The following CAMTA1 variants were observed in gnomAD, a reference collection of about 807,000 sequenced individuals.
CAMTA1 encodes calmodulin binding transcription activator 1, also known as calmodulin-binding transcription activator 1.
A neutral mutation model predicts 170.9 loss-of-function variants in CAMTA1; 27 were observed. That is an observed-to-expected ratio of 0.16 (90% confidence interval 0.12 to 0.22). The LOEUF (loss-of-function observed/expected upper bound fraction) is 0.22. Ranked by LOEUF, CAMTA1 falls within the 10% of genes least tolerant of loss-of-function variation. CAMTA1 has a pLI of 1.00. For synonymous variants in CAMTA1, 833 were observed against 891.5 expected, an observed-to-expected ratio of 0.93 and a Z score of 1.17; for missense variants, 1,619 against 2,217.2, an observed-to-expected ratio of 0.73 and a Z score of 5.42.
chr1:6,996,899 CTA>C (rs1311353382), intron 3 of CAMTA1, among the ~76,000 whole-genome samples: 1 of 152,174 alleles, frequency 6.6e-6, no homozygotes, highest in African/African-American at 2.4e-5. Flanking sequence ...AAGTGGAATT[CTA>C]TGTCTCATGA....
intron 5 of CAMTA1, among the ~76,000 whole-genome samples, chr1:7,417,669 G>A (rs2859317): frequency 0.28 from 42,618 of 152,014 alleles, 6,656 homozygotes; most frequent in Non-Finnish European, 0.34. Flanking sequence ...TCCAGGTGCC[G>A]TCTGTCACCC....
rs1305597595 is a variant in CAMTA1, at chr1:7,609,470, G to C, written c.511-30930G>C. Among the ~76,000 whole-genome samples the C allele has an allele frequency of 2.0e-5, 3 of 152,184 alleles. No homozygotes were observed. The highest frequency in any genetic ancestry group is 2.1e-4 in the South Asian group (1 of 4,832). On this transcript the variant is annotated intron_variant, in intron 6 of 22. Coordinates refer to ENST00000303635, the MANE Select transcript of CAMTA1 (RefSeq NM_015215.4). The surrounding 1 kb of genome is among the most constrained non-coding windows in gnomAD (Gnocchi z 4.4). The stretch of plus-strand genomic sequence containing the variant: ...GCCCCTCAGTGAGGGCAGCAGAGCA[G>C]CAGCCAGAAGGCAAGCCCTGGCCCC...
In CAMTA1 at chr1:6,953,354, A is replaced by G. The variant is rs918988090; in HGVS notation, c.234+128144A>G. Among the ~76,000 whole-genome samples, 3 of 152,238 alleles carry G rather than the reference A, an allele frequency of 2.0e-5. No homozygotes were observed. The East Asian group carries it at 5.8e-4, about 29-fold the overall frequency. ...AAGGACTTGGAGGGGCCAGGGTCCA[A>G]CCCCGGGAACGTGGCCAAGATCTCA... On this transcript the variant is annotated intron_variant, in intron 3 of 22. Coordinates refer to ENST00000303635, the MANE Select transcript of CAMTA1 (RefSeq NM_015215.4).
At chr1:7,755,714 C>T (rs1418545002) in intron 22 of CAMTA1, 46 bp downstream of exon 22, 1 of 1,587,242 alleles carries the variant, frequency 6.3e-7, no homozygotes, top group South Asian at 1.1e-5. Flanking sequence ...CTTCCATTTT[C>T]AGTATTTTGC....
chr1:7,199,086 G>A (rs1278976755), intron 4 of CAMTA1, among the ~76,000 whole-genome samples: 2 of 152,196 alleles, frequency 1.3e-5, no homozygotes, highest in Non-Finnish European at 2.9e-5. Context: ...AGCGCCTGGA[G>A]GTTTGCGCGG....
chr1:7,239,230 A>G (rs1664429905), intron 4 of CAMTA1, among the ~76,000 whole-genome samples: 2 of 152,206 alleles, frequency 1.3e-5, no homozygotes, highest in Admixed American at 1.3e-4. Flanking sequence ...CACTACACTG[A>G]TCACTGTTAC....
intron 1 of CAMTA1, among the ~76,000 whole-genome samples, chr1:6,795,685 A>C (rs1642320476): frequency 6.6e-6 from 1 of 152,094 alleles, no homozygotes; most frequent in Admixed American, 6.6e-5. Flanking sequence ...TCCTTTACGA[A>C]ATGACTTTGG....
chr1:7,382,526 T>G (rs2087455160), intron 5 of CAMTA1: 1 of 152,176 alleles, frequency 6.6e-6, no homozygotes, highest in East Asian at 1.9e-4. Flanking sequence ...TAGTACTAGC[T>G]ATGGGGAATT....
rs1007383994 is a variant in CAMTA1, at chr1:6,887,558, C to T, written c.234+62348C>T. On this transcript the variant is annotated intron_variant, in intron 3 of 22. Coordinates refer to ENST00000303635, the MANE Select transcript of CAMTA1 (RefSeq NM_015215.4). This position sits in a 1 kb window ranked among gnomAD's most constrained non-coding sequence, Gnocchi z 4.1. ...GTTTGCCTTTACCCAGATGTCTCCT[C>T]CTCTCTCTGCCTCTGGAAATGGGGC... The T allele has an allele frequency of 1.7e-5, 26 of 1,507,720 alleles. No homozygotes were observed. The African/African-American group carries it at 2.6e-4, about 15-fold the overall frequency. The allele number at this position is 1,507,720 out of a possible 1,614,324, so 93.4% of individuals were successfully genotyped here. A position where few individuals can be genotyped will look rare whatever the true frequency, so the allele number is the denominator to read the frequency against.
At chr1:6,939,326 C>A (rs980151257) in intron 3 of CAMTA1, among the ~76,000 whole-genome samples, 3 of 152,298 alleles carry the variant, frequency 2.0e-5, no homozygotes, top group Admixed American at 6.5e-5. Flanking sequence ...ATTCCAAAAC[C>A]ACATACTATG....
intron 5 of CAMTA1, among the ~76,000 whole-genome samples, chr1:7,405,202 T>A (rs539707298): frequency 2.3e-4 from 35 of 151,938 alleles, no homozygotes; most frequent in African/African-American, 8.4e-4. Context: ...AATAATGGAG[T>A]CAGATATCCC....
At chr1:7,493,770 G>A (rs1003783565) in intron 6 of CAMTA1, among the ~76,000 whole-genome samples, 3 of 152,208 alleles carry the variant, frequency 2.0e-5, no homozygotes, top group Admixed American at 6.5e-5. Context: ...AGAAGTCAGC[G>A]AAATGCAGTT....
At chr1:7,498,595 G>A (rs775203459) in intron 6 of CAMTA1, among the ~76,000 whole-genome samples, 2 of 151,944 alleles carry the variant, frequency 1.3e-5, no homozygotes, top group African/African-American at 2.4e-5. Flanking sequence ...GTGTGTGTAC[G>A]TGTGAGTGTG....
intron 4 of CAMTA1, among the ~76,000 whole-genome samples, chr1:7,150,466 C>T (rs549937579): frequency 6.6e-6 from 1 of 152,270 alleles, no homozygotes; most frequent in East Asian, 1.9e-4. Flanking sequence ...ACCCAGGCCT[C>T]TCCATGCAGG....
intron 4 of CAMTA1, among the ~76,000 whole-genome samples, chr1:7,193,762 T>A (rs1050045434): frequency 1.4e-4 from 22 of 152,138 alleles, no homozygotes; most frequent in African/African-American, 4.6e-4. Context: ...TCTGGAATTC[T>A]GTAAGAACCC....
intron 4 of CAMTA1, among the ~76,000 whole-genome samples, chr1:7,123,408 C>T (rs1010925500): frequency 1.3e-5 from 2 of 152,158 alleles, no homozygotes; most frequent in African/African-American, 4.8e-5. Context: ...TCTTGATCAT[C>T]CGCGAAGACC....
Position 6,887,854 on chromosome 1 carries a change from A to T in CAMTA1, c.234+62644A>T. On this transcript the variant is annotated intron_variant, in intron 3 of 22. Coordinates refer to ENST00000303635, the MANE Select transcript of CAMTA1 (RefSeq NM_015215.4). This position sits in a 1 kb window ranked among gnomAD's most constrained non-coding sequence, Gnocchi z 4.1. ...AAAACCCCAAATTAATTTGAACCGA[A>T]TGTTACTAAAAATGAAATAGAATAA... 7.0e-7 allele frequency: 1 copy of T among 1,434,050 alleles called. No homozygotes were observed. The highest frequency in any genetic ancestry group is 9.1e-7 in the Non-Finnish European group (1 of 1,095,700). The allele number at this position is 1,434,050 out of a possible 1,614,324, so 88.8% of individuals were successfully genotyped here.
chr1:7,755,503 C>G, intron 21 of CAMTA1, 135 bp from the exon 22 acceptor site: 4 of 716,916 alleles, frequency 5.6e-6, no homozygotes, highest in South Asian at 1.8e-5. Context: ...CGTACCCCAC[C>G]ATCACTCTCC....
At chr1:7,283,039 G>A (rs1671740411) in intron 5 of CAMTA1, among the ~76,000 whole-genome samples, 1 of 151,456 alleles carries the variant, frequency 6.6e-6, no homozygotes, top group African/African-American at 2.4e-5. Flanking sequence ...CAATGATAAG[G>A]AACAAGTTAA....
Sources: gnomAD v4.1 joint callset for allele counts (sites outside exome capture counted in the v4.1 genomes callset) on GRCh38, gnomAD v4.1.1 for gene constraint, Gnocchi (gnomAD v3.1) non-coding constraint, MANE v1.5 for transcripts, NCBI Gene and HGNC (gene_info 2026-07-23, HGNC 2026-07-21) for gene names.